Variants in GRM5 observed in about 807,000 individuals in gnomAD.
GRM5 encodes the protein glutamate metabotropic receptor 5, also known as metabotropic glutamate receptor 5.
A neutral mutation model predicts 83.1 loss-of-function variants in GRM5; 19 were observed. The observed-to-expected ratio is 0.23, with a 90% CI of 0.16 to 0.34. The LOEUF is 0.34. GRM5 is among the 10% of genes least tolerant of loss of function. GRM5 has a pLI of 1.00. For missense variants in GRM5, 1,160 were observed against 1,588.3 expected (o/e 0.73, Z 4.58); for synonymous variants, 675 against 633.6 (o/e 1.07, Z -0.98).
chr11:88,666,647 T>C (rs1180296323), intron 3 of GRM5, among the ~76,000 whole-genome samples: 1 of 152,210 alleles, frequency 6.6e-6, no homozygotes, highest in Non-Finnish European at 1.5e-5. Context: ...CTTTGAGTTT[T>C]TATTTGGGAT....
intron 3 of GRM5, among the ~76,000 whole-genome samples, chr11:88,840,337 A>G (rs921555510): frequency 6.6e-6 from 1 of 152,192 alleles, no homozygotes; most frequent in Non-Finnish European, 1.5e-5. Flanking sequence ...CTACTTCTTC[A>G]ACATCATCTT....
At chr11:88,615,324 A>G (rs1938444600) in intron 4 of GRM5, among the ~76,000 whole-genome samples, 1 of 152,146 alleles carries the variant, frequency 6.6e-6, no homozygotes, top group South Asian at 2.1e-4. Flanking sequence ...GAACAAATAG[A>G]AGTTTAACTT....
chr11:89,052,740 C>A (rs1298956485), intron 1 of GRM5, among the ~76,000 whole-genome samples: 1 of 152,070 alleles, frequency 6.6e-6, no homozygotes, highest in Non-Finnish European at 1.5e-5. Flanking sequence ...CTTGAGCGTT[C>A]CAAATCCTAA....
intron 2 of GRM5, among the ~76,000 whole-genome samples, chr11:88,932,130 T>C (rs630790): frequency 0.96 from 145,295 of 152,132 alleles, 69,489 homozygotes; most frequent in East Asian, 0.99. Context: ...ACTGAGTTTA[T>C]AGTTCAACAA....
intron 4 of GRM5, among the ~76,000 whole-genome samples, chr11:88,636,870 G>A (rs553981627): frequency 5.9e-5 from 9 of 152,128 alleles, no homozygotes; most frequent in East Asian, 1.9e-4. Flanking sequence ...GTAGATATGC[G>A]GCGTTATTTC....
In GRM5 at chr11:88,509,233, G is replaced by A. The variant is rs1021872714; in HGVS notation, c.2998C>T (p.Leu1000=). 3 of 1,502,374 alleles carry A rather than the reference G, an allele frequency of 2.0e-6. No homozygotes were observed. In the African/African-American group the frequency reaches 4.4e-5, roughly 22 times the overall value. 93.1% of individuals were successfully genotyped at this position (1,502,374 alleles called of 1,614,324 possible). The change falls in exon 10 of 10, where the codon CTG becomes TTG. Residue 1000 remains leucine (L), a synonymous_variant. Transcript: ENST00000305447. ...PESPDAGPKA[L]YDVAEAEEHF... ...TCCTCAGCCTCGGCCACATCATACA[G>A]CGCCTTGGGGCCGGCGTCTGGGGAC...
chr11:88,629,456 TG>T (rs1386898144), intron 4 of GRM5, among the ~76,000 whole-genome samples: 1 of 152,190 alleles, frequency 6.6e-6, no homozygotes, highest in Non-Finnish European at 1.5e-5. Context: ...TCTGTGAACA[TG>T]GCAGGCAAAT....
At chr11:88,960,043 C>T (rs543568623) in intron 2 of GRM5, among the ~76,000 whole-genome samples, 22 of 152,194 alleles carry the variant, frequency 1.4e-4, no homozygotes, top group East Asian at 1.4e-3. Context: ...ATGCAGACTC[C>T]GGGTAAAGCA....
At chr11:88,538,838 G>A (rs961294772) in intron 8 of GRM5, among the ~76,000 whole-genome samples, 14 of 152,298 alleles carry the variant, frequency 9.2e-5, no homozygotes, top group Non-Finnish European at 1.8e-4. Flanking sequence ...GATTTGCCCA[G>A]GTTACTAGAA....
At chr11:88,809,200 T>C (rs1012458352) in intron 3 of GRM5, among the ~76,000 whole-genome samples, 7 of 152,028 alleles carry the variant, frequency 4.6e-5, no homozygotes, top group Non-Finnish European at 1.0e-4. Flanking sequence ...AATAATCTCA[T>C]CGTGGAGAGA....
intron 2 of GRM5, among the ~76,000 whole-genome samples, chr11:88,987,696 C>T (rs1939781438): frequency 6.6e-6 from 1 of 152,090 alleles, no homozygotes; most frequent in Non-Finnish European, 1.5e-5. Context: ...AAGTGGATCC[C>T]TGACCCCTGA....
intron 3 of GRM5, among the ~76,000 whole-genome samples, chr11:88,699,940 T>C (rs1379671444): frequency 6.6e-6 from 1 of 152,128 alleles, no homozygotes; most frequent in African/African-American, 2.4e-5. Flanking sequence ...GATTTGAGGA[T>C]GACACTGTGC....
chr11:88,590,815 G>A, intron 6 of GRM5, 88 bp from the exon 7 acceptor site: 1 of 897,814 alleles, frequency 1.1e-6, no homozygotes, highest in Non-Finnish European at 1.8e-6. Flanking sequence ...TTGCAAAGCA[G>A]AAAGGCCTTT....
At chr11:88,657,567 G>T (rs1388156415) in intron 3 of GRM5, among the ~76,000 whole-genome samples, 1 of 152,034 alleles carries the variant, frequency 6.6e-6, no homozygotes, top group East Asian at 1.9e-4. Flanking sequence ...TTCTTCCCAA[G>T]ATTGCATTAC....
At chr11:88,818,135 AG>A (rs1420640289) in intron 3 of GRM5, among the ~76,000 whole-genome samples, 1 of 152,136 alleles carries the variant, frequency 6.6e-6, no homozygotes, top group Non-Finnish European at 1.5e-5. Flanking sequence ...TTATAAAAAA[AG>A]AAAAAATAAA....
intron 3 of GRM5, among the ~76,000 whole-genome samples, chr11:88,784,657 G>A (rs1393882677): frequency 6.6e-6 from 1 of 152,000 alleles, no homozygotes; most frequent in Non-Finnish European, 1.5e-5. Flanking sequence ...ATACTGTGTT[G>A]TAATGGGTAG....
intron 3 of GRM5, among the ~76,000 whole-genome samples, chr11:88,702,584 A>G (rs552752749): frequency 6.6e-6 from 1 of 152,250 alleles, no homozygotes; most frequent in South Asian, 2.1e-4. Flanking sequence ...ATTTCATATG[A>G]TCACAATCAT....
chr11:88,850,359 C>A (rs1217333165), intron 2 of GRM5, among the ~76,000 whole-genome samples: 1 of 152,090 alleles, frequency 6.6e-6, no homozygotes, highest in Non-Finnish European at 1.5e-5. Flanking sequence ...ATGCATTGAT[C>A]ATTTATATTT....
At chr11:88,952,863 A>G (rs1382991079) in intron 2 of GRM5, among the ~76,000 whole-genome samples, 1 of 152,220 alleles carries the variant, frequency 6.6e-6, no homozygotes, top group Non-Finnish European at 1.5e-5. Flanking sequence ...CCATTATCCC[A>G]TAATTGTTTT....
Sources: gnomAD v4.1 joint callset for allele counts (sites outside exome capture counted in the v4.1 genomes callset) on GRCh38, gnomAD v4.1.1 for gene constraint, MANE v1.5 for transcripts, NCBI Gene and HGNC (gene_info 2026-07-23, HGNC 2026-07-21) for gene names.